Variants in NCALD observed in about 807,000 individuals in gnomAD.
NCALD encodes neurocalcin delta.
Under a neutral mutation model 18.6 loss-of-function variants are expected in NCALD, and 10 were observed. The observed-to-expected ratio is 0.54, with a 90% CI of 0.33 to 0.91. The LOEUF (loss-of-function observed/expected upper bound fraction) is 0.91, where lower values mean the gene tolerates loss of function less well. NCALD is among the 40% of genes least tolerant of loss of function. NCALD has a pLI of 0.03. For synonymous variants in NCALD, 88 were observed against 87.4 expected (o/e 1.01, Z -0.04); for missense variants, 184 against 247.6 (o/e 0.74, Z 1.72).
chr8:101,836,880 G>C (rs1329146996), intron 4 of NCALD, among the ~76,000 whole-genome samples: 1 of 152,182 alleles, frequency 6.6e-6, no homozygotes, highest in Non-Finnish European at 1.5e-5. Flanking sequence ...AAGAATACAA[G>C]AGGAAATTCC....
At chr8:102,008,100 G>C (rs1307550661) in intron 2 of NCALD, among the ~76,000 whole-genome samples, 5 of 152,174 alleles carry the variant, frequency 3.3e-5, no homozygotes, top group African/African-American at 4.8e-5. Context: ...ATAAGCAGAG[G>C]TGAAAATGTT....
At chr8:102,115,169 C>A (rs1452653174) in intron 1 of NCALD, among the ~76,000 whole-genome samples, 1 of 152,230 alleles carries the variant, frequency 6.6e-6, no homozygotes, top group Non-Finnish European at 1.5e-5. Flanking sequence ...CAAACCTTTT[C>A]TTCAGGTAGT....
chr8:102,072,163 T>C (rs980783597), intron 1 of NCALD, among the ~76,000 whole-genome samples: 1 of 152,088 alleles, frequency 6.6e-6, no homozygotes, highest in African/African-American at 2.4e-5. Context: ...ATTAAACATA[T>C]GAAAAGGCGC....
intron 2 of NCALD, among the ~76,000 whole-genome samples, chr8:102,015,504 C>A (rs963509023): frequency 6.6e-6 from 1 of 152,104 alleles, no homozygotes; most frequent in East Asian, 1.9e-4. Context: ...GTATTTACAA[C>A]CAAAATTTTC....
intron 1 of NCALD, among the ~76,000 whole-genome samples, chr8:101,740,400 G>A (rs1438321432): frequency 6.6e-6 from 1 of 152,216 alleles, no homozygotes; most frequent in African/African-American, 2.4e-5. Context: ...TATTAACAAA[G>A]TGGAGGGTGA....
intron 1 of NCALD, among the ~76,000 whole-genome samples, chr8:102,031,840 C>T (rs928121782): frequency 3.3e-5 from 5 of 152,118 alleles, no homozygotes; most frequent in Admixed American, 3.3e-4. Flanking sequence ...AACTCCGTGG[C>T]CTCTGATCTC....
At chr8:101,807,988 G>A (rs1381958528) in intron 4 of NCALD, among the ~76,000 whole-genome samples, 1 of 152,030 alleles carries the variant, frequency 6.6e-6, no homozygotes, top group African/African-American at 2.4e-5. Context: ...AAAATGAGAA[G>A]ATAGAAGTTG....
intron 2 of NCALD, among the ~76,000 whole-genome samples, chr8:101,711,605 C>A (rs986768401): frequency 6.6e-6 from 1 of 151,602 alleles, no homozygotes; most frequent in Non-Finnish European, 1.5e-5. Flanking sequence ...AAAGACAGCA[C>A]GAGAACTTTG....
intron 2 of NCALD, among the ~76,000 whole-genome samples, chr8:101,991,028 C>T (rs1185221388): frequency 1.3e-5 from 2 of 152,276 alleles, no homozygotes; most frequent in East Asian, 3.9e-4. Context: ...TCCATCTTAG[C>T]TAGGCTCTAA....
intron 2 of NCALD, among the ~76,000 whole-genome samples, chr8:101,700,525 C>T (rs1307511213): frequency 6.6e-6 from 1 of 152,116 alleles, no homozygotes; most frequent in Non-Finnish European, 1.5e-5. Context: ...CTCTGGGTCC[C>T]CTGGTGGCAA....
chr8:102,030,928 C>A (rs1822647390), intron 1 of NCALD, among the ~76,000 whole-genome samples: 2 of 148,792 alleles, frequency 1.3e-5, no homozygotes, highest in Admixed American at 1.4e-4. Flanking sequence ...TAAAGGGGAG[C>A]AATTCTTTGT....
chr8:101,849,403 G>A (rs1195694069), intron 4 of NCALD, among the ~76,000 whole-genome samples: 1 of 152,114 alleles, frequency 6.6e-6, no homozygotes, highest in Non-Finnish European at 1.5e-5. Flanking sequence ...GATTTAAAAA[G>A]CACTAGGAAT....
At chr8:101,971,229 G>A (rs150293243) in intron 2 of NCALD, among the ~76,000 whole-genome samples, 23 of 152,164 alleles carry the variant, frequency 1.5e-4, no homozygotes, top group African/African-American at 4.3e-4. Context: ...TATGAAGCAC[G>A]AGATGTCAGT....
At chr8:101,808,100 A>T (rs1813171389) in intron 4 of NCALD, among the ~76,000 whole-genome samples, 1 of 152,188 alleles carries the variant, frequency 6.6e-6, no homozygotes. Context: ...AAGGGAACAT[A>T]ATTACAGATC....
intron 2 of NCALD, among the ~76,000 whole-genome samples, chr8:101,714,174 T>C (rs1327050916): frequency 6.6e-6 from 1 of 152,166 alleles, no homozygotes; most frequent in Non-Finnish European, 1.5e-5. Flanking sequence ...ATAAAGCGTA[T>C]TCAAATAAGA....
At chr8:102,016,871 C>T (rs1822099886) in intron 2 of NCALD, among the ~76,000 whole-genome samples, 2 of 151,994 alleles carry the variant, frequency 1.3e-5, no homozygotes, top group African/African-American at 4.8e-5. Context: ...ATAAAGCAAT[C>T]AACAGAGCTG....
At chr8:101,764,984 A>T (rs1393326233) in intron 1 of NCALD, among the ~76,000 whole-genome samples, 3 of 152,148 alleles carry the variant, frequency 2.0e-5, no homozygotes, top group African/African-American at 7.2e-5. Context: ...CTCCTGCGGC[A>T]AGATCAGGCA....
intron 2 of NCALD, among the ~76,000 whole-genome samples, chr8:101,983,370 C>T (rs1820692933): frequency 6.6e-6 from 1 of 152,190 alleles, no homozygotes; most frequent in South Asian, 2.1e-4. Flanking sequence ...TCCCTAACCC[C>T]AGGACTCCGT....
intron 1 of NCALD, among the ~76,000 whole-genome samples, chr8:101,783,583 C>T (rs1812104434): frequency 6.6e-6 from 1 of 152,152 alleles, no homozygotes; most frequent in African/African-American, 2.4e-5. Flanking sequence ...AAGTAGGCAG[C>T]AATTTAGACA....
Sources: gnomAD v4.1 joint callset for allele counts (sites outside exome capture counted in the v4.1 genomes callset) on GRCh38, gnomAD v4.1.1 for gene constraint, MANE v1.5 for transcripts, NCBI Gene and HGNC (gene_info 2026-07-23, HGNC 2026-07-21) for gene names.